Variants in JMJD1C observed in about 807,000 individuals in gnomAD.
JMJD1C encodes the protein jumonji domain containing 1C, also known as jumonji domain-containing protein 1C.
Under a neutral mutation model 245.3 loss-of-function variants are expected in JMJD1C, and 31 were observed. The observed-to-expected ratio is 0.13, with a 90% CI of 0.09 to 0.17. JMJD1C has a LOEUF of 0.17. JMJD1C is among the 10% of genes least tolerant of loss of function. The probability of loss-of-function intolerance (pLI) is 1.00; values close to 1 mark genes in which losing one functional copy is unlikely to be tolerated. For missense variants in JMJD1C, 2,691 were observed against 3,000.2 expected (o/e 0.90, Z 2.41); for synonymous variants, 1,057 against 1,017.4 (o/e 1.04, Z -0.74).
Position 63,206,722 on chromosome 10 carries a change from A to C in JMJD1C, c.4947T>G (p.Thr1649=). ...EQRTKRQPKP[T]YKKKQNDLQK... is the part of the protein sequence containing the mutation. ...GCAAATCATTTTGCTTCTTTTTGTA[A>C]GTTGGCTTAGGTTGTCTTTTAGTCC... Residue 1649 remains threonine, a synonymous_variant, in exon 10 of 26, where the codon ACT becomes ACG. Coordinates refer to ENST00000399262, the MANE Select transcript of JMJD1C (RefSeq NM_032776.3). 6.2e-7 allele frequency: 1 copy of C among 1,613,480 alleles called. No homozygotes were observed. Among genetic ancestry groups the C allele is most frequent in the South Asian group, 1.1e-5 (1 of 91,010 alleles).
At chr10:63,491,400 G>A (rs971577025) in intron 1 of JMJD1C, among the ~76,000 whole-genome samples, 1 of 151,986 alleles carries the variant, frequency 6.6e-6, no homozygotes, top group Non-Finnish European at 1.5e-5. Context: ...ATTACATAAA[G>A]ACCCACAATT....
intron 2 of JMJD1C, among the ~76,000 whole-genome samples, chr10:63,278,855 A>T (rs1857096576): frequency 6.6e-6 from 1 of 151,654 alleles, no homozygotes; most frequent in Admixed American, 6.6e-5. Flanking sequence ...AAAAAAAAAA[A>T]AAATAGTACT....
intron 22 of JMJD1C, among the ~76,000 whole-genome samples, chr10:63,181,472 G>A (rs1843470152): frequency 1.3e-5 from 2 of 152,142 alleles, no homozygotes; most frequent in Non-Finnish European, 2.9e-5. Context: ...AAGACATGGA[G>A]CTAAAAGACA....
rs190250937 is a variant in JMJD1C, at chr10:63,419,702, A to C, written c.169-39220T>G. Reference sequence around the variant, plus strand: ...AACCCAGAATTAAGTCAGTTCCTTTATGGTCTGCAGTCCAGCTTTGAGTAA... The same window carrying C: ...AACCCAGAATTAAGTCAGTTCCTTTCTGGTCTGCAGTCCAGCTTTGAGTAA... On this transcript the variant is annotated intron_variant, in intron 1 of 25. Coordinates refer to ENST00000399262, the MANE Select transcript of JMJD1C (RefSeq NM_032776.3). Among the ~76,000 whole-genome samples, 62 of 152,236 alleles carry C rather than the reference A, an allele frequency of 4.1e-4. 1 individual carries two copies. The highest frequency in any genetic ancestry group is 2.6e-3 in the Admixed American group (40 of 15,290).
In JMJD1C at chr10:63,363,023, C is replaced by T. The variant is rs576926492; in HGVS notation, c.333+17295G>A. The stretch of plus-strand genomic sequence containing the variant: ...AATCCTCTAATCATTTCAGGGGGGA[C>T]GTAACTGGTTGACATGAAATAAATG... On this transcript the variant is annotated intron_variant, in intron 2 of 25. Transcript: ENST00000399262. 7.9e-5 allele frequency among the ~76,000 whole-genome samples: 12 copies of T among 151,938 alleles called. No individual in the cohort carries two copies. The South Asian group carries it at 1.5e-3, about 18-fold the overall frequency.
rs191326353 is a variant in JMJD1C, at chr10:63,203,008, T to C, written c.5075-2331A>G. ...ACCATACCACTGTGAACAACTCAGA[T>C]AGTACTATAGTAAAGAATCAGACAT... On this transcript the variant is annotated intron_variant, in intron 10 of 25. Coordinates refer to ENST00000399262, the MANE Select transcript of JMJD1C (RefSeq NM_032776.3). 342 of 984,980 alleles carry C rather than the reference T, an allele frequency of 3.5e-4. 2 individuals are homozygous for C. In the African/African-American group the frequency reaches 5.5e-3, roughly 16 times the overall value. The allele number at this position is 984,980 out of a possible 1,614,324, so 61.0% of individuals were successfully genotyped here. A position where few individuals can be genotyped will look rare whatever the true frequency, so the allele number is the denominator to read the frequency against.
At chr10:63,377,992 T>C (rs1317915126) in intron 2 of JMJD1C, among the ~76,000 whole-genome samples, 2 of 148,164 alleles carry the variant, frequency 1.3e-5, no homozygotes, top group Admixed American at 6.8e-5. Flanking sequence ...TATTAGTATA[T>C]ATATAATATA....
chr10:63,436,925 T>A (rs1951088457), intron 1 of JMJD1C, among the ~76,000 whole-genome samples: 1 of 152,162 alleles, frequency 6.6e-6, no homozygotes, highest in Non-Finnish European at 1.5e-5. Flanking sequence ...CTTTTTCACA[T>A]TCAAGTTCCC....
At chr10:63,317,375 T>G (rs1026032437) in intron 2 of JMJD1C, among the ~76,000 whole-genome samples, 15 of 152,000 alleles carry the variant, frequency 9.9e-5, no homozygotes, top group Non-Finnish European at 1.9e-4. Context: ...CACAGTGGCG[T>G]GTGCCTGTAA....
intron 3 of JMJD1C, chr10:63,222,654 G>T: frequency 6.5e-7 from 1 of 1,534,422 alleles, no homozygotes; most frequent in South Asian, 1.1e-5. Flanking sequence ...AATAGAGATC[G>T]GTGTGTAGAG....
At chr10:63,516,722 C>A (rs997361192) in intron 1 of JMJD1C, among the ~76,000 whole-genome samples, 2 of 152,168 alleles carry the variant, frequency 1.3e-5, no homozygotes, top group Admixed American at 6.5e-5. Flanking sequence ...ACTGTGTGTG[C>A]TTCCCAGATC....
chr10:63,202,967 G>A lies in JMJD1C; in HGVS notation c.5075-2290C>T, dbSNP rs956392037. 42 of 984,082 alleles carry A rather than the reference G, an allele frequency of 4.3e-5. No homozygotes were observed. The African/African-American group carries it at 7.2e-4, about 17-fold the overall frequency. The allele number at this position is 984,082 out of a possible 1,614,324, so 61.0% of individuals were successfully genotyped here. On this transcript the variant is annotated intron_variant, in intron 10 of 25. Transcript: ENST00000399262. Reference sequence around the variant, plus strand: ...GCCTTTAATTCCAGATAATGGAACAGTTCAGAGTATGGATCACCATACCAC... The same window carrying A: ...GCCTTTAATTCCAGATAATGGAACAATTCAGAGTATGGATCACCATACCAC...
intron 2 of JMJD1C, among the ~76,000 whole-genome samples, chr10:63,326,753 C>G (rs1292057849): frequency 6.6e-6 from 1 of 152,142 alleles, no homozygotes; most frequent in South Asian, 2.1e-4. Context: ...GTGGTGGGTG[C>G]CTATAATCTC....
At chr10:63,368,234 G>A (rs1415225917) in intron 2 of JMJD1C, among the ~76,000 whole-genome samples, 1 of 152,094 alleles carries the variant, frequency 6.6e-6, no homozygotes, top group Non-Finnish European at 1.5e-5. Flanking sequence ...CTGAAAACCT[G>A]AAATATATAT....
intron 1 of JMJD1C, among the ~76,000 whole-genome samples, chr10:63,383,635 G>C (rs190009769): frequency 2.0e-5 from 3 of 152,136 alleles, no homozygotes; most frequent in Admixed American, 2.0e-4. Context: ...GGGAGGTTGA[G>C]GCTGCAATGA....
intron 2 of JMJD1C, among the ~76,000 whole-genome samples, chr10:63,289,911 C>T (rs763897121): frequency 4.4e-4 from 67 of 151,634 alleles, no homozygotes; most frequent in Admixed American, 2.4e-3. Flanking sequence ...ACCCATGTTA[C>T]TTATAAAATT....
intron 1 of JMJD1C, chr10:63,427,653 C>A: frequency 7.6e-7 from 1 of 1,321,734 alleles, no homozygotes; most frequent in Non-Finnish European, 1.1e-6. Flanking sequence ...TGAACTCTAA[C>A]AACAGTGGCT....
At chr10:63,194,219 C>A in intron 14 of JMJD1C, 67 bp downstream of exon 14, 2 of 940,094 alleles carry the variant, frequency 2.1e-6, no homozygotes, top group East Asian at 4.8e-5. Flanking sequence ...TCTAGATACT[C>A]CTTTAAGTGT....
At chr10:63,229,990 G>C (rs1849767081) in intron 3 of JMJD1C, among the ~76,000 whole-genome samples, 2 of 152,172 alleles carry the variant, frequency 1.3e-5, no homozygotes, top group Admixed American at 1.3e-4. Context: ...GGCCTAAGTG[G>C]AATTGGTAAC....
Sources: allele counts gnomAD v4.1 joint callset (sites outside exome capture counted in the v4.1 genomes callset), GRCh38; gene constraint gnomAD v4.1.1; transcripts MANE v1.5; gene names NCBI Gene and HGNC (gene_info 2026-07-23, HGNC 2026-07-21).